CSMD3: variants seen among roughly 807,000 people sequenced by gnomAD.
CSMD3 encodes CUB and sushi domain-containing protein 3.
A neutral mutation model predicts 435.2 loss-of-function variants in CSMD3; 177 were observed. The observed-to-expected ratio is 0.41, with a 90% CI of 0.36 to 0.46. The LOEUF is 0.46. CSMD3 is among the 20% of genes least tolerant of loss of function. The pLI is 0.34. For synonymous variants in CSMD3, 1,656 were observed against 1,520.5 expected (o/e 1.09, Z -2.07); for missense variants, 4,265 against 4,504.6 (o/e 0.95, Z 1.52).
intron 4 of CSMD3, among the ~76,000 whole-genome samples, chr8:113,148,021 C>T (rs2091718187): frequency 6.6e-6 from 1 of 151,506 alleles, no homozygotes; most frequent in African/African-American, 2.4e-5. Context: ...ATATATAATA[C>T]CTTACACTCC....
At chr8:112,789,780 G>A (rs1396589142) in intron 13 of CSMD3, among the ~76,000 whole-genome samples, 1 of 151,882 alleles carries the variant, frequency 6.6e-6, no homozygotes, top group African/African-American at 2.4e-5. Context: ...TTTCACTTGA[G>A]TTAAAGGATA....
intron 5 of CSMD3, among the ~76,000 whole-genome samples, chr8:113,056,857 C>A (rs1051409039): frequency 1.3e-5 from 2 of 152,150 alleles, no homozygotes; most frequent in African/African-American, 2.4e-5. Flanking sequence ...ACTTCTCAAA[C>A]TTGGAATGAA....
chr8:112,795,456 A>AG (rs2078805486), intron 13 of CSMD3, among the ~76,000 whole-genome samples: 1 of 152,172 alleles, frequency 6.6e-6, no homozygotes. Flanking sequence ...ATTCTTTTCC[A>AG]CATACCCTTG....
chr8:112,766,083 G>T (rs1226093319), intron 13 of CSMD3, among the ~76,000 whole-genome samples: 4 of 151,628 alleles, frequency 2.6e-5, no homozygotes, highest in Non-Finnish European at 5.9e-5. Context: ...ATCAATGATT[G>T]TATTGAAGAA....
intron 3 of CSMD3, among the ~76,000 whole-genome samples, chr8:113,181,778 C>CA (rs1329745215): frequency 6.6e-6 from 1 of 151,942 alleles, no homozygotes; most frequent in East Asian, 1.9e-4. Flanking sequence ...CAGCCATACT[C>CA]ACATTAAAGT....
At chr8:113,355,611 T>C (rs1047627201) in intron 1 of CSMD3, among the ~76,000 whole-genome samples, 11 of 151,180 alleles carry the variant, frequency 7.3e-5, no homozygotes, top group East Asian at 2.0e-4. Flanking sequence ...CATTGAGGAA[T>C]AGAACTTCAA....
At chr8:112,865,243 A>G (rs2080943515) in intron 10 of CSMD3, among the ~76,000 whole-genome samples, 1 of 152,178 alleles carries the variant, frequency 6.6e-6, no homozygotes, top group African/African-American at 2.4e-5. Context: ...CAATGTTTCA[A>G]CTACACAAGT....
At chr8:112,492,820 A>G (rs1820831948) in intron 30 of CSMD3, 137 bp from the exon 31 acceptor site, 6 of 735,762 alleles carry the variant, frequency 8.2e-6, no homozygotes, top group Non-Finnish European at 1.4e-5. Context: ...TACTGAATAT[A>G]TACAGACTTT....
At chr8:112,380,721 G>A (rs1161141296) in intron 37 of CSMD3, among the ~76,000 whole-genome samples, 2 of 152,096 alleles carry the variant, frequency 1.3e-5, no homozygotes, top group Admixed American at 6.6e-5. Flanking sequence ...GAAAGTTAAA[G>A]CTATACGTTT....
chr8:113,153,088 G>GAAAGAAAAGAAAGAAAGA (rs1554791115), intron 4 of CSMD3, among the ~76,000 whole-genome samples: 1 of 86,818 alleles, frequency 1.2e-5, no homozygotes, highest in African/African-American at 5.3e-5. Context: ...AAGAAAGAAA[G>GAAAGAAAAGAAAGAAAGA]AAAGAAAGAA....
intron 16 of CSMD3, among the ~76,000 whole-genome samples, chr8:112,667,466 A>G (rs2075553492): frequency 6.6e-6 from 1 of 152,176 alleles, no homozygotes; most frequent in Non-Finnish European, 1.5e-5. Context: ...TCATCCTTGA[A>G]GTATAGAAAT....
rs574579726 is a variant in CSMD3 at position 113,010,461 on chromosome 8, T to C, written c.1030+8606A>G. Among the ~76,000 whole-genome samples, 24 of 151,918 alleles carry C rather than the reference T, an allele frequency of 1.6e-4. No individual in the cohort carries two copies. The South Asian group carries it at 4.8e-3, about 30-fold the overall frequency. The stretch of plus-strand genomic sequence containing the variant: ...CAAAATAGTTATGCAAAATGATCTA[T>C]CATTTTATCAGTTTAATAATTACCA... On this transcript the variant is annotated intron_variant, in intron 6 of 70. Coordinates refer to ENST00000297405, the MANE Select transcript of CSMD3 (RefSeq NM_198123.2).
intron 27 of CSMD3, among the ~76,000 whole-genome samples, chr8:112,524,292 T>C (rs1586594366): frequency 6.6e-6 from 1 of 151,760 alleles, no homozygotes. Context: ...TATGAGTTGA[T>C]TTGAAATAGA....
At chr8:113,314,314 C>A (rs2093893182) in intron 2 of CSMD3, 10 of 404,678 alleles carry the variant, frequency 2.5e-5, no homozygotes, top group South Asian at 6.2e-5. Flanking sequence ...AACAAAATAC[C>A]TTTAGCCACT....
intron 1 of CSMD3, among the ~76,000 whole-genome samples, chr8:113,316,911 G>A (rs1394606286): frequency 6.6e-6 from 1 of 152,144 alleles, no homozygotes; most frequent in Non-Finnish European, 1.5e-5. Context: ...ATGTGGCTCA[G>A]GGCTTGGTTG....
At chr8:113,368,922 A>G (rs1433241406) in intron 1 of CSMD3, among the ~76,000 whole-genome samples, 2 of 152,120 alleles carry the variant, frequency 1.3e-5, no homozygotes, top group African/African-American at 4.8e-5. Context: ...ACAGTGAATC[A>G]CCAAGGAACG....
intron 15 of CSMD3, 50 bp from the exon 16 acceptor site, chr8:112,682,686 G>A (rs2131787999): frequency 8.2e-7 from 1 of 1,212,184 alleles, no homozygotes; most frequent in South Asian, 1.2e-5. Flanking sequence ...ACATTAGCCA[G>A]AGAGAGATCC....
chr8:112,839,229 G>A (rs1587443983), intron 11 of CSMD3, among the ~76,000 whole-genome samples: 1 of 151,716 alleles, frequency 6.6e-6, no homozygotes, highest in South Asian at 2.1e-4. Flanking sequence ...TACTGATGGA[G>A]TGATAAAAGC....
At chr8:112,292,250 A>G (rs1819833922) in intron 55 of CSMD3, among the ~76,000 whole-genome samples, 1 of 152,182 alleles carries the variant, frequency 6.6e-6, no homozygotes, top group Admixed American at 6.6e-5. Flanking sequence ...GTCACAAAAC[A>G]GATACAAATA....
Sources: allele counts gnomAD v4.1 joint callset (sites outside exome capture counted in the v4.1 genomes callset), GRCh38; gene constraint gnomAD v4.1.1; transcripts MANE v1.5; gene names NCBI Gene and HGNC (gene_info 2026-07-23, HGNC 2026-07-21).